Variants in SKIC2 observed in about 807,000 individuals in gnomAD.
SKIC2 encodes superkiller complex protein 2.
the SKIC2 span, chr6:31,960,180 G>A: frequency 6.2e-7 from 1 of 1,608,238 alleles, no homozygotes; most frequent in Non-Finnish European, 8.5e-7. Context: ...CTGGGACAGA[G>A]GAAGAAAGAA....
At chr6:31,961,008 G>T in the SKIC2 span, 18 of 1,458,252 alleles carry the variant, frequency 1.2e-5, no homozygotes, top group Non-Finnish European at 1.7e-5. Context: ...TCACCAGTGT[G>T]CAGTGACCTG....
the SKIC2 span, among the ~76,000 whole-genome samples, chr6:31,966,412 G>A: frequency 3.3e-5 from 5 of 152,142 alleles, no homozygotes; most frequent in African/African-American, 9.7e-5. This position sits in a 1 kb window ranked among gnomAD's most constrained non-coding sequence, Gnocchi z 5.9. Context: ...AACTTCCTCC[G>A]ACTTTTTTGT....
At chr6:31,962,195 C>T in the SKIC2 span, 2 of 975,944 alleles carry the variant, frequency 2.0e-6, no homozygotes, top group Non-Finnish European at 1.5e-6. This position sits in a 1 kb window ranked among gnomAD's most constrained non-coding sequence, Gnocchi z 5.0. Context: ...GACAAGAGCC[C>T]AGAGAGAAAT....
chr6:31,964,472 T>A, the SKIC2 span: 1 of 686,478 alleles, frequency 1.5e-6, no homozygotes, highest in Non-Finnish European at 2.6e-6. The surrounding 1 kb of genome is among the most constrained non-coding windows in gnomAD (Gnocchi z 5.0). Flanking sequence ...GGATTCAGAC[T>A]ACCTGGGTTT....
the SKIC2 span, chr6:31,968,048 G>T: frequency 6.2e-7 from 1 of 1,613,018 alleles, no homozygotes; most frequent in Non-Finnish European, 8.5e-7. This position sits in a 1 kb window ranked among gnomAD's most constrained non-coding sequence, Gnocchi z 6.1. Context: ...GAAGATCTTG[G>T]AGGACTTCAG....
At chr6:31,961,050 C>G in the SKIC2 span, 2 of 1,611,588 alleles carry the variant, frequency 1.2e-6, no homozygotes, top group Non-Finnish European at 1.7e-6. Context: ...GATCTTCTTA[C>G]TATTCCACCT....
At chr6:31,960,485 G>T in the SKIC2 span, 1 of 1,614,144 alleles carries the variant, frequency 6.2e-7, no homozygotes, top group Non-Finnish European at 8.5e-7. Context: ...CTCTTCGCCG[G>T]CCTCCAGGGC....
the SKIC2 span, chr6:31,965,773 T>C: frequency 6.4e-6 from 10 of 1,558,916 alleles, no homozygotes; most frequent in Non-Finnish European, 8.0e-6. This position sits in a 1 kb window ranked among gnomAD's most constrained non-coding sequence, Gnocchi z 5.6. Flanking sequence ...TCTGTTCTCC[T>C]CTGTCCCAGG....
chr6:31,967,044 G>A, the SKIC2 span: 1 of 1,613,046 alleles, frequency 6.2e-7, no homozygotes, highest in Non-Finnish European at 8.5e-7. The surrounding 1 kb of genome is among the most constrained non-coding windows in gnomAD (Gnocchi z 4.9). Context: ...AAGAGGCTGG[G>A]AGCTTTGGAG....
chr6:31,959,795 T>G, the SKIC2 span: 1 of 577,484 alleles, frequency 1.7e-6, no homozygotes, highest in Non-Finnish European at 3.1e-6. Flanking sequence ...GGGAGCTTTT[T>G]AAAAATGCAC....
the SKIC2 span, chr6:31,960,565 G>A: frequency 3.8e-6 from 6 of 1,590,738 alleles, no homozygotes; most frequent in Non-Finnish European, 5.2e-6. Context: ...TGTGGAGATG[G>A]GATGGTAGAA....
the SKIC2 span, among the ~76,000 whole-genome samples, chr6:31,966,365 C>A: frequency 6.6e-6 from 1 of 152,078 alleles, no homozygotes; most frequent in African/African-American, 2.4e-5. The surrounding 1 kb of genome is among the most constrained non-coding windows in gnomAD (Gnocchi z 5.9). Context: ...CTCAGCTTCC[C>A]AAAGTACTGG....
At chr6:31,962,548 G>C in the SKIC2 span, 2 of 1,614,032 alleles carry the variant, frequency 1.2e-6, no homozygotes, top group Non-Finnish European at 1.7e-6. The surrounding 1 kb of genome is among the most constrained non-coding windows in gnomAD (Gnocchi z 5.0). Context: ...GCTGCATCCG[G>C]AGGCCTCCTG....
the SKIC2 span, chr6:31,962,885 C>A: frequency 1.5e-6 from 2 of 1,322,314 alleles, no homozygotes; most frequent in Non-Finnish European, 2.2e-6. This position sits in a 1 kb window ranked among gnomAD's most constrained non-coding sequence, Gnocchi z 5.0. Context: ...CTCAGGGCCC[C>A]TTACTGCTTT....
At chr6:31,963,196 G>A in the SKIC2 span, 1 of 861,954 alleles carries the variant, frequency 1.2e-6, no homozygotes, top group Non-Finnish European at 1.8e-6. The surrounding 1 kb of genome is among the most constrained non-coding windows in gnomAD (Gnocchi z 5.3). Context: ...CAGGCCTTAG[G>A]GGTGATGCTG....
the SKIC2 span, chr6:31,968,011 C>T: frequency 1.2e-6 from 2 of 1,613,108 alleles, no homozygotes; most frequent in Admixed American, 1.7e-5. The surrounding 1 kb of genome is among the most constrained non-coding windows in gnomAD (Gnocchi z 6.1). Flanking sequence ...CTGCCATCAC[C>T]ACCAAGGTGC....
chr6:31,962,427 C>T, the SKIC2 span: 2 of 1,613,764 alleles, frequency 1.2e-6, no homozygotes, highest in Non-Finnish European at 1.7e-6. This position sits in a 1 kb window ranked among gnomAD's most constrained non-coding sequence, Gnocchi z 5.0. Flanking sequence ...TAACTTCATG[C>T]TCTCTTCCCA....
the SKIC2 span, chr6:31,962,111 T>A: frequency 6.3e-7 from 1 of 1,577,986 alleles, no homozygotes; most frequent in Non-Finnish European, 8.7e-7. The surrounding 1 kb of genome is among the most constrained non-coding windows in gnomAD (Gnocchi z 5.0). Flanking sequence ...TTCTCCTGCA[T>A]CCTTTGAAAA....
the SKIC2 span, chr6:31,963,182 C>T: frequency 3.1e-4 from 300 of 980,672 alleles, 2 homozygotes; most frequent in East Asian, 2.6e-3. This position sits in a 1 kb window ranked among gnomAD's most constrained non-coding sequence, Gnocchi z 5.3. Flanking sequence ...GCAAGGAGAG[C>T]GGTCAGGCCT....
Sources: gnomAD v4.1 joint callset for allele counts (sites outside exome capture counted in the v4.1 genomes callset) on GRCh38, gnomAD v4.1.1 for gene constraint, Gnocchi (gnomAD v3.1) non-coding constraint, MANE v1.5 for transcripts, NCBI Gene and HGNC (gene_info 2026-07-23, HGNC 2026-07-21) for gene names.